The following SLU7 variants were observed in gnomAD, a reference collection of about 807,000 sequenced individuals.
The protein encoded by SLU7 is spliceosome associated SLU7.
SLU7 carries 60 observed loss-of-function variants against 87.0 expected under a neutral mutation model. The observed-to-expected ratio is 0.69, with a 90% confidence interval of 0.56 to 0.86. The LOEUF is 0.86. Ranked by LOEUF, SLU7 falls within the 40% of genes least tolerant of loss-of-function variation. The pLI, the probability that SLU7 is intolerant of heterozygous loss-of-function variation, is 0.00. For synonymous variants in SLU7, 197 were observed against 222.0 expected, an observed-to-expected ratio of 0.89 and a Z score of 1.00; for missense variants, 507 against 686.6, an observed-to-expected ratio of 0.74 and a Z score of 2.92.
chr5:160,412,413 G>A (rs1303051982), intron 6 of SLU7, 38 bp downstream of exon 6: 3 of 1,184,036 alleles, frequency 2.5e-6, no homozygotes, highest in East Asian at 4.9e-5. Context: ...TTGTTTAAAA[G>A]AAATAAAACC....
intron 14 of SLU7, 67 bp from the exon 15 acceptor site, chr5:160,404,623 G>A (rs1420022174): frequency 3.1e-5 from 34 of 1,100,436 alleles, no homozygotes; most frequent in Middle Eastern, 2.7e-4. Flanking sequence ...CTACTTGGGC[G>A]GCTGAGGCAC....
chr5:160,403,222 T>A lies in SLU7; in HGVS notation c.*63A>T, dbSNP rs1170974303. The A allele has an allele frequency of 1.1e-5, 14 of 1,270,844 alleles. No individual in the cohort carries two copies. Among genetic ancestry groups the A allele is most frequent in the Non-Finnish European group, 9.7e-6 (9 of 929,210 alleles). 78.7% of individuals were successfully genotyped at this position (1,270,844 alleles called of 1,614,324 possible). ...ACAAGGATTTTTCTATCTACAATCA[T>A]CAATAAGAAGCTGAAAAGAATGTAT... On this transcript the variant is annotated 3_prime_UTR_variant, in exon 16 of 16. Coordinates refer to ENST00000297151, the MANE Select transcript of SLU7 (RefSeq NM_006425.5).
At position 160,407,792 on chromosome 5, in the gene SLU7, G is replaced by A; in HGVS notation, c.939C>T (p.Asn313=). Residue 313 remains asparagine, a synonymous_variant, in exon 10 of 16, where the codon AAC becomes AAT. Transcript: ENST00000297151. This position sits in a 1 kb window ranked among gnomAD's most constrained non-coding sequence, Gnocchi z 4.2. ...NPDEVSYAGD[N]FVRYTGDTIS... ...TGGTATCTCCTGTGTACCTAACAAA[G>A]TTATCTCCAGCATAACTCACTCTGT... 2 of 1,612,248 alleles carry A rather than the reference G, an allele frequency of 1.2e-6. No individual in the cohort carries two copies. Among genetic ancestry groups the A allele is most frequent in the African/African-American group, 1.3e-5 (1 of 75,000 alleles).
chr5:160,408,864 T>A (rs749695826), intron 6 of SLU7, among the ~76,000 whole-genome samples, 167 bp from the exon 7 acceptor site: 1 of 51,698 alleles, frequency 1.9e-5, no homozygotes, highest in Non-Finnish European at 5.4e-5. Flanking sequence ...TAAATATTTA[T>A]TATATAATAT....
At position 160,407,694 on chromosome 5, in the gene SLU7, C is replaced by A; in HGVS notation, c.985+52G>T. The A allele has an allele frequency of 6.2e-7, 1 of 1,602,214 alleles. No individual in the cohort carries two copies. Among genetic ancestry groups the A allele is most frequent in the Non-Finnish European group, 8.5e-7 (1 of 1,174,382 alleles). On this transcript the variant is annotated intron_variant, in intron 10 of 15. Coordinates refer to ENST00000297151, the MANE Select transcript of SLU7 (RefSeq NM_006425.5). This position sits in a 1 kb window ranked among gnomAD's most constrained non-coding sequence, Gnocchi z 4.2. ...CTTGAAAACAAGCTTTAAACAATCC[C>A]AAACGTCTTATGAGCTGATATAAAA...
At position 160,413,450 on chromosome 5, in the gene SLU7, G is replaced by A. The variant is rs1765322402; in HGVS notation, c.570+6C>T. 6.2e-7 allele frequency: 1 copy of A among 1,612,198 alleles called. No homozygotes were observed. The highest frequency in any genetic ancestry group is 8.5e-7 in the Non-Finnish European group (1 of 1,179,072). On this transcript the variant is annotated splice_donor_region_variant and intron_variant, in intron 5 of 15. Coordinates refer to ENST00000297151, the MANE Select transcript of SLU7 (RefSeq NM_006425.5). The stretch of plus-strand genomic sequence containing the variant: ...AAACCCCAGGAAAGCAGGGAATTTT[G>A]CTCACCAAATCAACTTTGGCATACT...
chr5:160,407,673 A>C lies in SLU7; in HGVS notation c.986-58T>G. ...CAGCTGCATTACTGTATGCTTCTTG[A>C]AAACAAGCTTTAAACAATCCCAAAC... On this transcript the variant is annotated intron_variant, in intron 10 of 15. Transcript: ENST00000297151. This position sits in a 1 kb window ranked among gnomAD's most constrained non-coding sequence, Gnocchi z 4.2. 1 of 1,602,068 alleles carries C rather than the reference A, an allele frequency of 6.2e-7. No individual in the cohort carries two copies. Among genetic ancestry groups the C allele is most frequent in the Non-Finnish European group, 8.5e-7 (1 of 1,174,922 alleles).
chr5:160,414,485 TA>T lies in SLU7; in HGVS notation c.171-14del, dbSNP rs752492764. The T allele has an allele frequency of 0.16, 162,141 of 1,011,460 alleles. 8 individuals carry two copies. Among genetic ancestry groups the T allele is most frequent in the East Asian group, 0.2 (5,469 of 26,838 alleles). 62.7% of individuals were successfully genotyped at this position (1,011,460 alleles called of 1,614,324 possible). Reference sequence around the variant, plus strand: ...GGGGTTGATGTCTCTGTAATTAAAGTAAAAAAAAAAAAAATTTAAGGATAAA... The same window carrying T: ...GGGGTTGATGTCTCTGTAATTAAAGTAAAAAAAAAAAAATTTAAGGATAAA... On this transcript the variant is annotated splice_polypyrimidine_tract_variant and intron_variant, in intron 2 of 15. Coordinates refer to ENST00000297151, the MANE Select transcript of SLU7 (RefSeq NM_006425.5).
Position 160,412,466 on chromosome 5 carries a change from T to C in SLU7, c.624A>G (p.Lys208=). 1 of 1,553,164 alleles carries C rather than the reference T, an allele frequency of 6.4e-7. No individual in the cohort carries two copies. Among genetic ancestry groups the C allele is most frequent in the Non-Finnish European group, 8.8e-7 (1 of 1,140,676 alleles). ...QKLQEELASG[K]LVEQANSPKH... ...CATTACTTACAGCCTGTTCCACTAA[T>C]TTTCCTGAGGCTAATTCCTCTTGGA... The change falls in exon 6 of 16, where the codon AAA becomes AAG. Residue 208 remains lysine (K), a synonymous_variant. Transcript: ENST00000297151.
intron 1 of SLU7, among the ~76,000 whole-genome samples, chr5:160,415,926 T>A (rs1277213480): frequency 6.6e-6 from 1 of 152,126 alleles, no homozygotes; most frequent in African/African-American, 2.4e-5. Flanking sequence ...AGAGTCTCGC[T>A]CTGTTGCCCA....
intron 13 of SLU7, 45 bp downstream of exon 13, chr5:160,404,986 G>C: frequency 6.5e-7 from 1 of 1,544,950 alleles, no homozygotes; most frequent in Non-Finnish European, 8.9e-7. Flanking sequence ...TGACTTAGGA[G>C]CTTCGGTTGT....
At chr5:160,412,984 G>A (rs1765303624) in intron 5 of SLU7, among the ~76,000 whole-genome samples, 1 of 151,816 alleles carries the variant, frequency 6.6e-6, no homozygotes, top group African/African-American at 2.4e-5. Context: ...AAAGGAATAA[G>A]GGTGAATAGG....
chr5:160,408,914 C>T (rs986879655), intron 6 of SLU7, among the ~76,000 whole-genome samples: 4 of 147,270 alleles, frequency 2.7e-5, no homozygotes, highest in Non-Finnish European at 4.5e-5. Context: ...GATAATAAAA[C>T]TTAATTCTAA....
At chr5:160,413,857 G>C in intron 4 of SLU7, 42 bp downstream of exon 4, 1 of 1,348,724 alleles carries the variant, frequency 7.4e-7, no homozygotes, top group Non-Finnish European at 1.0e-6. Context: ...AAAAAAGAAA[G>C]ACTCTGACAA....
At chr5:160,417,906 C>T (rs1175658225) in intron 1 of SLU7, among the ~76,000 whole-genome samples, 2 of 152,164 alleles carry the variant, frequency 1.3e-5, no homozygotes, top group African/African-American at 2.4e-5. Context: ...TGCCTACCTT[C>T]CAGCCTCACC....
Position 160,403,000 on chromosome 5 carries a change from G to A in SLU7, c.*285C>T, listed in dbSNP as rs537304689. On this transcript the variant is annotated 3_prime_UTR_variant, in exon 16 of 16. Coordinates refer to ENST00000297151, the MANE Select transcript of SLU7 (RefSeq NM_006425.5). ...ACCGCACTTCAGCCTGGGCGACAGAGCAAGACTCCGTCTCAAAAAAAAAAA... is the reference window on the plus strand; with the variant it reads ...ACCGCACTTCAGCCTGGGCGACAGAACAAGACTCCGTCTCAAAAAAAAAAA... 2.9e-5 allele frequency: 5 copies of A among 173,734 alleles called. No individual in the cohort carries two copies. In the South Asian group the frequency reaches 9.0e-4, roughly 31 times the overall value. The allele number at this position is 173,734 out of a possible 1,614,324, so 10.8% of individuals were successfully genotyped here.
In SLU7 at chr5:160,405,153, A is replaced by G. The variant is rs1328587093; in HGVS notation, c.1288-18T>C. Reference sequence around the variant, plus strand: ...CAGATATGCTGCAGAGAGAGAAATTAAAAAGCTTAAAAAGGAAGCTGAAAT... The same window carrying G: ...CAGATATGCTGCAGAGAGAGAAATTGAAAAGCTTAAAAAGGAAGCTGAAAT... On this transcript the variant is annotated intron_variant, in intron 12 of 15. Coordinates refer to ENST00000297151, the MANE Select transcript of SLU7 (RefSeq NM_006425.5). The G allele has an allele frequency of 2.0e-6, 3 of 1,536,168 alleles. No individual in the cohort carries two copies. Among genetic ancestry groups the G allele is most frequent in the Non-Finnish European group, 1.8e-6 (2 of 1,112,886 alleles).
chr5:160,412,426 T>C, intron 6 of SLU7, 25 bp downstream of exon 6: 1 of 1,343,250 alleles, frequency 7.4e-7, no homozygotes, highest in Non-Finnish European at 1.1e-6. Context: ...ATAAAACCTT[T>C]TTATTGATCA....
At position 160,408,365 on chromosome 5, in the gene SLU7, A is replaced by G; in HGVS notation, c.783T>C (p.Thr261=). Residue 261 remains threonine, a synonymous_variant, in exon 8 of 16, where the codon ACT becomes ACC. Coordinates refer to ENST00000297151, the MANE Select transcript of SLU7 (RefSeq NM_006425.5). ...GQNFDSKRRI[T]VRNLRIREDI... is the part of the protein sequence containing the mutation. ...CTTCTCGAATCCTGAGATTCCGGAC[A>G]GTAATTCGTCTCTTGGAGTCAAAAT... 6.2e-7 allele frequency: 1 copy of G among 1,611,772 alleles called. No homozygotes were observed. The highest frequency in any genetic ancestry group is 2.2e-5 in the East Asian group (1 of 44,772).
Sources: allele counts gnomAD v4.1 joint callset (sites outside exome capture counted in the v4.1 genomes callset), GRCh38; gene constraint gnomAD v4.1.1; non-coding constraint Gnocchi (gnomAD v3.1); transcripts MANE v1.5; gene names NCBI Gene and HGNC (gene_info 2026-07-23, HGNC 2026-07-21).